LDLRAP1: variants seen among roughly 807,000 people sequenced by gnomAD.
The protein encoded by LDLRAP1 is low density lipoprotein receptor adaptor protein 1.
LDLRAP1 carries 30 observed loss-of-function variants against 37.8 expected under a neutral mutation model. That is an observed-to-expected ratio of 0.79 (90% confidence interval 0.59 to 1.08). The LOEUF is 1.08. Among genes scored for constraint, LDLRAP1 ranks in the 50% least tolerant of loss-of-function variants. The pLI, the probability that LDLRAP1 is intolerant of heterozygous loss-of-function variation, is 0.00. For missense variants in LDLRAP1, 375 were observed against 401.6 expected (o/e 0.93, Z 0.57); for synonymous variants, 156 against 169.8 (o/e 0.92, Z 0.63).
At chr1:25,562,586 G>A in intron 4 of LDLRAP1, 58 bp from the exon 5 acceptor site, 1 of 1,487,200 alleles carries the variant, frequency 6.7e-7, no homozygotes, top group Non-Finnish European at 9.4e-7. Context: ...CTCCAGTGCA[G>A]ACTTGCTCTG....
At chr1:25,551,498 T>A (rs1212890534) in intron 1 of LDLRAP1, among the ~76,000 whole-genome samples, 1 of 152,152 alleles carries the variant, frequency 6.6e-6, no homozygotes, top group African/African-American at 2.4e-5. Flanking sequence ...TTAGAGGTGA[T>A]GGTAATAGCT....
At chr1:25,573,232 G>A (rs989071309), downstream of LDLRAP1, among the ~76,000 whole-genome samples, 2 of 152,152 alleles carry the variant, frequency 1.3e-5, no homozygotes, top group Non-Finnish European at 2.9e-5. Flanking sequence ...CTCAGGCCCC[G>A]CCACGTTGAG....
At chr1:25,573,077 A>T (rs1044469464), downstream of LDLRAP1, among the ~76,000 whole-genome samples, 6 of 76,752 alleles carry the variant, frequency 7.8e-5, no homozygotes, top group African/African-American at 3.2e-4. Flanking sequence ...CAGTCCAAAC[A>T]GGGGCTGCTT....
rs886456268 is a variant in LDLRAP1 at position 25,543,635 on chromosome 1, G to A, written c.-64G>A. 9.7e-6 allele frequency: 11 copies of A among 1,133,860 alleles called. No homozygotes were observed. The East Asian group carries it at 1.7e-4, about 18-fold the overall frequency. The allele number at this position is 1,133,860 out of a possible 1,614,324, so 70.2% of individuals were successfully genotyped here. On this transcript the variant is annotated 5_prime_UTR_variant, in exon 1 of 9. Coordinates refer to ENST00000374338, the MANE Select transcript of LDLRAP1 (RefSeq NM_015627.3). ...CGCGCAGCCCGCGCGCCGCAGGGCC[G>A]GGCGGAAAGTTTTTCCTGACGGAGT...
At chr1:25,564,945 C>A (rs1284127763) in intron 7 of LDLRAP1, 5 of 566,894 alleles carry the variant, frequency 8.8e-6, no homozygotes, top group Non-Finnish European at 1.6e-5. Flanking sequence ...TCTCCAGACA[C>A]CCTGGGACAT....
the LDLRAP1 span, among the ~76,000 whole-genome samples, chr1:25,578,718 T>G: frequency 6.6e-6 from 1 of 152,154 alleles, no homozygotes; most frequent in African/African-American, 2.4e-5. Context: ...GGTTTCACCA[T>G]GTTGCCCAGG....
chr1:25,589,360 T>G, the LDLRAP1 span, among the ~76,000 whole-genome samples: 1 of 148,564 alleles, frequency 6.7e-6, no homozygotes, highest in South Asian at 2.1e-4. Flanking sequence ...TGAGCAACAC[T>G]AAGGAGTATG....
intron 5 of LDLRAP1, 112 bp from the exon 6 acceptor site, chr1:25,562,958 A>G: frequency 1.9e-6 from 2 of 1,063,492 alleles, no homozygotes; most frequent in South Asian, 2.5e-5. Flanking sequence ...CCCGGCTGGA[A>G]ACCTGAAACT....
intron 1 of LDLRAP1, 128 bp from the exon 2 acceptor site, chr1:25,553,794 G>A (rs1444531175): frequency 4.3e-5 from 41 of 952,368 alleles, no homozygotes; most frequent in Admixed American, 7.8e-5. Context: ...AAAAAAGAGT[G>A]GCAGTAGTGG....
Position 25,554,917 on chromosome 1 carries a change from A to G in LDLRAP1, c.289A>G (p.Ile97Val). Residue 97 changes from isoleucine (I) to valine (V), a missense_variant, in exon 3 of 9, where the codon ATT becomes GTT. Ile to Val is a conservative substitution (Grantham distance 29). Coordinates refer to ENST00000374338, the MANE Select transcript of LDLRAP1 (RefSeq NM_015627.3). The surrounding 1 kb of genome is among the most constrained non-coding windows in gnomAD (Gnocchi z 5.4). ...GACTCTGAAGGTGTCGCCACGGGGAATTATCCTGACAGACAACCTCACCAA... is the reference window on the plus strand; with the variant it reads ...GACTCTGAAGGTGTCGCCACGGGGAGTTATCCTGACAGACAACCTCACCAA... Reference protein sequence around the residue: ...KVTLKVSPRGIILTDNLTNQL... With the variant: ...KVTLKVSPRGVILTDNLTNQL... The G allele has an allele frequency of 1.2e-6, 2 of 1,614,204 alleles. No individual in the cohort carries two copies. The highest frequency in any genetic ancestry group is 8.5e-7 in the Non-Finnish European group (1 of 1,180,034).
chr1:25,561,983 G>A (rs1477194996), intron 4 of LDLRAP1, among the ~76,000 whole-genome samples: 1 of 152,110 alleles, frequency 6.6e-6, no homozygotes, highest in Non-Finnish European at 1.5e-5. Flanking sequence ...GAGGGGTGAG[G>A]GAGAGTTCCC....
Position 25,557,343 on chromosome 1 carries a change from T to C in LDLRAP1, c.459+76T>C, listed in dbSNP as rs1267554355. The C allele has an allele frequency of 4.2e-5, 49 of 1,169,860 alleles. No individual in the cohort carries two copies. The Admixed American group carries it at 5.2e-4, about 12-fold the overall frequency. The allele number at this position is 1,169,860 out of a possible 1,614,324, so 72.5% of individuals were successfully genotyped here. A position where few individuals can be genotyped will look rare whatever the true frequency, so the allele number is the denominator to read the frequency against. On this transcript the variant is annotated intron_variant, in intron 4 of 8. Coordinates refer to ENST00000374338, the MANE Select transcript of LDLRAP1 (RefSeq NM_015627.3). ...TTGCTCTGGGTGGGGGGCTGTCTGG[T>C]GTGGGAGGCAGGACCCAAAGGTGAC...
Position 25,567,455 on chromosome 1 carries a change from A to G in LDLRAP1, c.*463A>G. On this transcript the variant is annotated 3_prime_UTR_variant, in exon 9 of 9. Transcript: ENST00000374338. ...TCAGTGATTTTTCCCCCCACCCCCC[A>G]GCACAGGAGAGCACCCACAGCCGCA... 1 of 295,488 alleles carries G rather than the reference A, an allele frequency of 3.4e-6. No homozygotes were observed. Among genetic ancestry groups the G allele is most frequent in the South Asian group, 3.0e-5 (1 of 33,762 alleles). The allele number at this position is 295,488 out of a possible 1,614,324, so 18.3% of individuals were successfully genotyped here. A position where few individuals can be genotyped will look rare whatever the true frequency, so the allele number is the denominator to read the frequency against.
At chr1:25,584,383 G>T in the LDLRAP1 span, among the ~76,000 whole-genome samples, 1 of 151,968 alleles carries the variant, frequency 6.6e-6, no homozygotes, top group African/African-American at 2.4e-5. Context: ...GCTGGCCTCA[G>T]CAAATGGCAG....
chr1:25,559,294 C>T (rs893091738), intron 4 of LDLRAP1, among the ~76,000 whole-genome samples: 37 of 152,270 alleles, frequency 2.4e-4, no homozygotes, highest in African/African-American at 8.2e-4. Context: ...GGGCCTTCGA[C>T]GGTGCAGAGG....
chr1:25,562,675 C>A lies in LDLRAP1; in HGVS notation c.491C>A (p.Ala164Asp), dbSNP rs778904028. 6.2e-7 allele frequency: 1 copy of A among 1,614,206 alleles called. No homozygotes were observed. The highest frequency in any genetic ancestry group is 8.5e-7 in the Non-Finnish European group (1 of 1,180,020). The change falls in exon 5 of 9, where the codon GCC becomes GAC. Residue 164 changes from alanine to aspartate, a missense_variant. Physicochemically the swap from Ala to Asp is moderately radical, Grantham distance 126. Transcript: ENST00000374338. ...AQAVTLTVAQ[A>D]FKVAFEFWQV... ...GCTGTTACCCTCACCGTAGCCCAGGCCTTCAAAGTCGCCTTTGAGTTTTGG... is the reference window on the plus strand; with the variant it reads ...GCTGTTACCCTCACCGTAGCCCAGGACTTCAAAGTCGCCTTTGAGTTTTGG...
At position 25,543,670 on chromosome 1, in the gene LDLRAP1, GGCA is replaced by G; in HGVS notation, c.-26_-24del. On this transcript the variant is annotated 5_prime_UTR_variant, in exon 1 of 9. Coordinates refer to ENST00000374338, the MANE Select transcript of LDLRAP1 (RefSeq NM_015627.3). ...TTTTTCCTGACGGAGTTTTGGCTGC[GGCA>G]GCGGCGGCGGCGGCCGGAGCGGGCC... 1 of 1,208,754 alleles carries G rather than the reference GGCA, an allele frequency of 8.3e-7. No homozygotes were observed. Among genetic ancestry groups the G allele is most frequent in the Non-Finnish European group, 1.0e-6 (1 of 972,390 alleles). The allele number at this position is 1,208,754 out of a possible 1,614,324, so 74.9% of individuals were successfully genotyped here.
rs150156971 is a variant in LDLRAP1, at chr1:25,552,634, T to C, written c.89-1288T>C. On this transcript the variant is annotated intron_variant, in intron 1 of 8. Coordinates refer to ENST00000374338, the MANE Select transcript of LDLRAP1 (RefSeq NM_015627.3). ...AGAGAGGTAGGGGACAGGAAGGGGC[T>C]CTGGCAGGTGGAAGTGTGAGGTGTT... Among the ~76,000 whole-genome samples the C allele has an allele frequency of 3.3e-5, 5 of 152,342 alleles. No homozygotes were observed. In the East Asian group the frequency reaches 9.6e-4, roughly 29 times the overall value.
chr1:25,562,315 G>C (rs1305807181), intron 4 of LDLRAP1, among the ~76,000 whole-genome samples: 1 of 152,226 alleles, frequency 6.6e-6, no homozygotes, highest in Non-Finnish European at 1.5e-5. Flanking sequence ...AAGCCCAAAG[G>C]GGAAGGAAAA....
Sources: allele counts gnomAD v4.1 joint callset (sites outside exome capture counted in the v4.1 genomes callset), GRCh38; gene constraint gnomAD v4.1.1; non-coding constraint Gnocchi (gnomAD v3.1); transcripts MANE v1.5; gene names NCBI Gene and HGNC (gene_info 2026-07-23, HGNC 2026-07-21).